Variants in ITGAM observed in about 807,000 individuals in gnomAD.
The protein encoded by ITGAM is integrin subunit alpha M, also known as integrin alpha-M.
A neutral mutation model predicts 137.5 loss-of-function variants in ITGAM; 79 were observed. That is an observed-to-expected ratio of 0.57 (90% CI 0.48 to 0.69). The LOEUF (loss-of-function observed/expected upper bound fraction) is 0.69. Ranked by LOEUF, ITGAM falls within the 30% of genes least tolerant of loss-of-function variation. ITGAM has a pLI of 0.00. For missense variants in ITGAM, 1,343 were observed against 1,483.5 expected (o/e 0.91, Z 1.56); for synonymous variants, 583 against 592.3 (o/e 0.98, Z 0.23).
At chr16:31,312,141 G>C (rs1191714188) in intron 14 of ITGAM, among the ~76,000 whole-genome samples, 12 of 120,358 alleles carry the variant, frequency 1.0e-4, no homozygotes, top group African/African-American at 3.1e-4. Flanking sequence ...GTTGTGGGGT[G>C]GGGGGAGGGG....
rs371086436 is a variant in ITGAM, at chr16:31,312,995, G to A, written c.1708-8246G>A. The stretch of plus-strand genomic sequence containing the variant: ...AGCACTTTGGGAGGCCGAGGCGGGC[G>A]GATCACGAGGTCAGGAGTTCAAGAC... On this transcript the variant is annotated intron_variant, in intron 14 of 29. Coordinates refer to ENST00000544665, the MANE Select transcript of ITGAM (RefSeq NM_000632.4). Among the ~76,000 whole-genome samples the A allele has an allele frequency of 2.4e-3, 357 of 151,778 alleles. 1 individual carries two copies. Among genetic ancestry groups the A allele is most frequent in the African/African-American group, 2.9e-3 (122 of 41,430 alleles).
intron 12 of ITGAM, among the ~76,000 whole-genome samples, chr16:31,282,290 C>T (rs561263404): frequency 2.7e-4 from 41 of 152,150 alleles, no homozygotes; most frequent in Admixed American, 2.3e-3. Flanking sequence ...CTTTCTGTCT[C>T]GTTGATCTGT....
Position 31,277,069 on chromosome 16 carries a change from G to T in ITGAM, c.1213+20G>T. 2 of 1,597,698 alleles carry T rather than the reference G, an allele frequency of 1.3e-6. No homozygotes were observed. Among genetic ancestry groups the T allele is most frequent in the East Asian group, 2.2e-5 (1 of 44,706 alleles). On this transcript the variant is annotated intron_variant, in intron 11 of 29. Transcript: ENST00000544665. ...ACTTGGGTAAGTGGGGAGGGCAAGG[G>T]TTACTCTAAGAAGGGGTGAGGATTT...
At position 31,278,113 on chromosome 16, in the gene ITGAM, A is replaced by G. The variant is rs1354223424; in HGVS notation, c.1356+4A>G. The stretch of plus-strand genomic sequence containing the variant: ...CGCTAATGTCAAGGGCACCCAGGTG[A>G]GTGCGGTTTGTGGAGCATGAATGTG... On this transcript the variant is annotated splice_donor_region_variant and intron_variant, in intron 12 of 29. Coordinates refer to ENST00000544665, the MANE Select transcript of ITGAM (RefSeq NM_000632.4). 1.2e-6 allele frequency: 2 copies of G among 1,605,116 alleles called. No homozygotes were observed. Among genetic ancestry groups the G allele is most frequent in the Non-Finnish European group, 1.7e-6 (2 of 1,175,928 alleles).
At chr16:31,303,841 CTT>C (rs2080240210) in intron 14 of ITGAM, among the ~76,000 whole-genome samples, 1 of 152,016 alleles carries the variant, frequency 6.6e-6, no homozygotes, top group African/African-American at 2.4e-5. Context: ...ATATATATAA[CTT>C]TTTAAAATCC....
At chr16:31,291,234 T>A (rs976240868) in intron 12 of ITGAM, among the ~76,000 whole-genome samples, 2 of 152,198 alleles carry the variant, frequency 1.3e-5, no homozygotes, top group African/African-American at 2.4e-5. Flanking sequence ...TATCCATTCA[T>A]CTGTTGATGG....
chr16:31,302,924 CTT>C (rs1423548592), intron 14 of ITGAM, among the ~76,000 whole-genome samples: 1 of 12,640 alleles, frequency 7.9e-5, no homozygotes, highest in Non-Finnish European at 1.8e-4. Context: ...CTCCCTCTTT[CTT>C]TCTTTCTTTC....
intron 14 of ITGAM, among the ~76,000 whole-genome samples, chr16:31,298,795 T>G (rs563290562): frequency 2.9e-3 from 439 of 152,120 alleles, no homozygotes; most frequent in African/African-American, 0.01. Context: ...TTCTTAGTAA[T>G]TTTTCAACAA....
At chr16:31,263,464 A>G (rs1032660991) in intron 2 of ITGAM, among the ~76,000 whole-genome samples, 3 of 152,176 alleles carry the variant, frequency 2.0e-5, no homozygotes, top group African/African-American at 7.2e-5. Flanking sequence ...TTACACTCAC[A>G]CCAGAAATTC....
chr16:31,267,769 C>T (rs2079785856), intron 5 of ITGAM, among the ~76,000 whole-genome samples: 2 of 152,032 alleles, frequency 1.3e-5, no homozygotes, highest in Admixed American at 6.6e-5. Flanking sequence ...TCTTGTGCCT[C>T]CGCCTCCAGA....
intron 12 of ITGAM, 98 bp from the exon 13 acceptor site, chr16:31,297,416 G>T: frequency 6.8e-7 from 1 of 1,478,774 alleles, no homozygotes; most frequent in South Asian, 1.2e-5. Context: ...GCTCCAGAGG[G>T]ATTCCCCCAG....
At chr16:31,321,156 T>TAGA in intron 14 of ITGAM, 85 bp from the exon 15 acceptor site, 1 of 1,479,924 alleles carries the variant, frequency 6.8e-7, no homozygotes, top group Non-Finnish European at 9.3e-7. Context: ...AGAGAACCTC[T>TAGA]GTCTGGGCCA....
At chr16:31,314,425 T>C (rs1022220309) in intron 14 of ITGAM, among the ~76,000 whole-genome samples, 1 of 152,150 alleles carries the variant, frequency 6.6e-6, no homozygotes, top group Non-Finnish European at 1.5e-5. Context: ...AAGGAAGGGA[T>C]CTAGTTTCAG....
chr16:31,262,787 T>G (rs1295281186), intron 2 of ITGAM, among the ~76,000 whole-genome samples: 4 of 152,096 alleles, frequency 2.6e-5, no homozygotes, highest in African/African-American at 9.7e-5. Context: ...ACATTTACCT[T>G]TACAGAAACA....
intron 14 of ITGAM, among the ~76,000 whole-genome samples, chr16:31,311,520 A>C (rs2080331286): frequency 6.6e-6 from 1 of 152,258 alleles, no homozygotes; most frequent in Admixed American, 6.5e-5. Context: ...TGCAGCCAAA[A>C]GACACATGAA....
intron 12 of ITGAM, among the ~76,000 whole-genome samples, chr16:31,287,501 A>G (rs1048175974): frequency 5.3e-5 from 8 of 152,330 alleles, no homozygotes; most frequent in East Asian, 3.9e-4. Flanking sequence ...ATCCATGAGC[A>G]TGGAATACTT....
intron 22 of ITGAM, 134 bp from the exon 23 acceptor site, chr16:31,328,013 G>A (rs1597041532): frequency 2.8e-6 from 2 of 710,458 alleles, no homozygotes; most frequent in African/African-American, 3.5e-5. Flanking sequence ...GCAGGGGTTG[G>A]AGAACAGTGG....
At chr16:31,270,736 TATATA>T (rs1322865808) in intron 5 of ITGAM, among the ~76,000 whole-genome samples, 1,614 of 115,606 alleles carry the variant, frequency 0.014, 36 homozygotes, top group Non-Finnish European at 0.023. Flanking sequence ...TATATATATA[TATATA>T]TATGTTTTTA....
chr16:31,297,516 C>G lies in ITGAM; in HGVS notation c.1359C>G (p.Ile453Met), dbSNP rs371892089. The change falls in exon 13 of 30, where the codon ATC becomes ATG. Residue 453 changes from isoleucine (I) to methionine (M), a missense_variant and splice_region_variant. Ile to Met is a conservative substitution (Grantham distance 10). Coordinates refer to ENST00000544665, the MANE Select transcript of ITGAM (RefSeq NM_000632.4). ...GATTACGGTCCTGTCTCTTTCAGATCGGCGCCTACTTCGGGGCCTCCCTCT... is the reference window on the plus strand; with the variant it reads ...GATTACGGTCCTGTCTCTTTCAGATGGGCGCCTACTTCGGGGCCTCCCTCT... ...ESNANVKGTQ[I>M]GAYFGASLCS... 1.4e-5 allele frequency: 22 copies of G among 1,611,890 alleles called. No homozygotes were observed. Among genetic ancestry groups the G allele is most frequent in the Middle Eastern group, 2.2e-4 (1 of 4,460 alleles).
Sources: allele counts gnomAD v4.1 joint callset (sites outside exome capture counted in the v4.1 genomes callset), GRCh38; gene constraint gnomAD v4.1.1; transcripts MANE v1.5; gene names NCBI Gene and HGNC (gene_info 2026-07-23, HGNC 2026-07-21).